GLRA3: variants seen among roughly 807,000 people sequenced by gnomAD.
GLRA3 encodes glycine receptor subunit alpha-3.
A neutral mutation model predicts 60.4 loss-of-function variants in GLRA3; 44 were observed. The ratio of observed to expected loss-of-function variants is 0.73; its 90% CI spans 0.57 to 0.94. GLRA3 has a LOEUF of 0.94. Ranked by LOEUF, GLRA3 falls within the 40% of genes least tolerant of loss-of-function variation. The pLI is 0.00. For missense variants in GLRA3, 508 were observed against 564.6 expected (o/e 0.90, Z 1.02); for synonymous variants, 223 against 192.9 (o/e 1.16, Z -1.29).
intron 1 of GLRA3, among the ~76,000 whole-genome samples, chr4:174,818,944 G>C (rs75133340): frequency 0.018 from 2,694 of 152,266 alleles, 75 homozygotes; most frequent in African/African-American, 0.06. Context: ...TACAAAGGCA[G>C]ATTGTCTCTA....
At chr4:174,677,648 C>T (rs1734185469) in intron 6 of GLRA3, among the ~76,000 whole-genome samples, 4 of 152,090 alleles carry the variant, frequency 2.6e-5, no homozygotes, top group Admixed American at 2.6e-4. Context: ...GTGGGAGCCA[C>T]TGCTCCCGGC....
intron 3 of GLRA3, among the ~76,000 whole-genome samples, chr4:174,761,950 T>C (rs1182620817): frequency 6.6e-6 from 1 of 152,156 alleles, no homozygotes; most frequent in Non-Finnish European, 1.5e-5. Context: ...TATGATTCAG[T>C]AATAAGTAAA....
In GLRA3 at chr4:174,682,955, T is replaced by C. The variant is rs760133379; in HGVS notation, c.575-16A>G. On this transcript the variant is annotated splice_polypyrimidine_tract_variant and intron_variant, in intron 5 of 9. Coordinates refer to ENST00000274093, the MANE Select transcript of GLRA3 (RefSeq NM_006529.4). Reference sequence around the variant, plus strand: ...GTGTACCCAACTAGGCAAAACATAATAAAAATATGAATAGTCTAAAAAGGG... The same window carrying C: ...GTGTACCCAACTAGGCAAAACATAACAAAAATATGAATAGTCTAAAAAGGG... 4.4e-6 allele frequency: 7 copies of C among 1,600,302 alleles called. No homozygotes were observed.
chr4:174,762,660 G>A (rs1297583800), intron 3 of GLRA3, among the ~76,000 whole-genome samples: 1 of 152,104 alleles, frequency 6.6e-6, no homozygotes, highest in African/African-American at 2.4e-5. Context: ...AAATAGATAT[G>A]CTCTGCCTGA....
chr4:174,825,206 T>A (rs1432116379), intron 1 of GLRA3, among the ~76,000 whole-genome samples: 2 of 152,038 alleles, frequency 1.3e-5, no homozygotes, highest in Non-Finnish European at 2.9e-5. Context: ...TACACCTCCA[T>A]GTAGTAAATC....
In GLRA3 at chr4:174,718,959, C is replaced by CTTTTTTT. The variant is rs10656765; in HGVS notation, c.492-3396_492-3390dup. Among the ~76,000 whole-genome samples the CTTTTTTT allele has an allele frequency of 1.3e-3, 104 of 81,074 alleles. 4 individuals are homozygous for CTTTTTTT. Among genetic ancestry groups the CTTTTTTT allele is most frequent in the Admixed American group, 1.8e-3 (10 of 5,484 alleles). The allele number at this position is 81,074 out of a possible 152,430, so 53.2% of individuals were successfully genotyped here. A position where few individuals can be genotyped will look rare whatever the true frequency, so the allele number is the denominator to read the frequency against. The stretch of plus-strand genomic sequence containing the variant: ...TGGGGTTCTAGTTCTAGATTTCGTG[C>CTTTTTTT]TTTTTTTTTTTTTTTTTTTTTTTGA... On this transcript the variant is annotated intron_variant, in intron 4 of 9. Coordinates refer to ENST00000274093, the MANE Select transcript of GLRA3 (RefSeq NM_006529.4).
chr4:174,718,616 T>C (rs186907962), intron 4 of GLRA3, among the ~76,000 whole-genome samples: 176 of 152,366 alleles, frequency 1.2e-3, no homozygotes, highest in Admixed American at 3.0e-3. Context: ...AGACTTTGTA[T>C]ATAAATGAGT....
intron 4 of GLRA3, among the ~76,000 whole-genome samples, chr4:174,727,948 A>C (rs536623962): frequency 6.6e-6 from 1 of 152,254 alleles, no homozygotes; most frequent in Non-Finnish European, 1.5e-5. Context: ...TTCAAAGTTT[A>C]TTAACAAATC....
intron 5 of GLRA3, among the ~76,000 whole-genome samples, chr4:174,700,628 A>C (rs1295607166): frequency 6.6e-6 from 1 of 152,234 alleles, no homozygotes; most frequent in Non-Finnish European, 1.5e-5. Flanking sequence ...GATAGGATGA[A>C]AGCTAGGCGT....
intron 1 of GLRA3, among the ~76,000 whole-genome samples, chr4:174,815,081 CA>C (rs1740428481): frequency 6.6e-6 from 1 of 152,202 alleles, no homozygotes; most frequent in Admixed American, 6.5e-5. Flanking sequence ...TGGGTAAATA[CA>C]GCCATTCCAA....
chr4:174,687,971 GTTTTTTGCCTTCAGAAGAAGGCAAA>G (rs2110994595), intron 5 of GLRA3, among the ~76,000 whole-genome samples: 1 of 151,942 alleles, frequency 6.6e-6, no homozygotes, highest in East Asian at 1.9e-4. Context: ...GAGACTAAAA[GTTTTTTGCCTTCAGAAGAAGGCAAA>G]ACAAAACAAA....
rs1165541499 is a variant in GLRA3, at chr4:174,706,100, G to C, written c.574+9388C>G. On this transcript the variant is annotated intron_variant, in intron 5 of 9. Transcript: ENST00000274093. ...AAAAAATTAGCCGGGCGTGGTGGCG[G>C]GCACCTGTAGTCCCAGCTACTCGGG... Among the ~76,000 whole-genome samples the C allele has an allele frequency of 3.3e-5, 5 of 152,036 alleles. No homozygotes were observed. In the South Asian group the frequency reaches 6.3e-4, roughly 19 times the overall value.
intron 7 of GLRA3, among the ~76,000 whole-genome samples, chr4:174,659,971 CA>C (rs11395241): frequency 4.7e-4 from 66 of 139,784 alleles, no homozygotes; most frequent in Admixed American, 1.2e-3. Flanking sequence ...AATTCTGTCT[CA>C]AAAAAAAAAA....
At chr4:174,784,689 T>C (rs1176307103) in intron 2 of GLRA3, among the ~76,000 whole-genome samples, 1 of 152,130 alleles carries the variant, frequency 6.6e-6, no homozygotes, top group Non-Finnish European at 1.5e-5. Context: ...TGAGTGATAT[T>C]TTCAGCTTTA....
intron 5 of GLRA3, chr4:174,713,826 T>C (rs998310983): frequency 2.0e-5 from 3 of 152,366 alleles, no homozygotes; most frequent in Non-Finnish European, 2.9e-5. Flanking sequence ...ACTCTGTATA[T>C]GGCTTTTAAT....
intron 7 of GLRA3, among the ~76,000 whole-genome samples, chr4:174,672,764 A>G (rs1213713000): frequency 3.3e-5 from 5 of 152,122 alleles, no homozygotes; most frequent in Non-Finnish European, 7.4e-5. Flanking sequence ...GTTATGCAGG[A>G]TAATTGCGAT....
At position 174,781,379 on chromosome 4, in the gene GLRA3, A is replaced by G. The variant is rs536532710; in HGVS notation, c.199+7437T>C. Among the ~76,000 whole-genome samples, 1,148 of 149,162 alleles carry G rather than the reference A, an allele frequency of 7.7e-3. 11 individuals carry two copies. The highest frequency in any genetic ancestry group is 0.011 in the Non-Finnish European group (746 of 66,798). On this transcript the variant is annotated intron_variant, in intron 2 of 9. Coordinates refer to ENST00000274093, the MANE Select transcript of GLRA3 (RefSeq NM_006529.4). ...AGAAAGCAGGAAAGATCCAAAATTG[A>G]CACCCTAACATCACTATTAAAAGAA...
At chr4:174,790,842 A>AG (rs1175949530) in intron 1 of GLRA3, among the ~76,000 whole-genome samples, 4 of 148,238 alleles carry the variant, frequency 2.7e-5, no homozygotes, top group Admixed American at 6.7e-5. Flanking sequence ...AAAAAAAAAA[A>AG]AAAAGAAAGA....
intron 1 of GLRA3, among the ~76,000 whole-genome samples, chr4:174,817,493 CAAT>C (rs1300716652): frequency 2.6e-5 from 4 of 152,154 alleles, no homozygotes; most frequent in African/African-American, 7.2e-5. Flanking sequence ...ACTAAAACAA[CAAT>C]AAGAGGCTGG....
Sources: allele counts gnomAD v4.1 joint callset (sites outside exome capture counted in the v4.1 genomes callset), GRCh38; gene constraint gnomAD v4.1.1; transcripts MANE v1.5; gene names NCBI Gene and HGNC (gene_info 2026-07-23, HGNC 2026-07-21).